ZNF7: variants seen among roughly 807,000 people sequenced by gnomAD.
ZNF7 encodes C2-H2 type zinc finger protein.
In ZNF7, 10 loss-of-function variants were observed where a neutral mutation model predicts 12.0. That is an observed-to-expected ratio of 0.83 (90% confidence interval 0.51 to 1.42). The LOEUF is 1.42. Among genes scored for constraint, ZNF7 ranks in the 40% most tolerant of loss-of-function variants. The pLI, the probability that ZNF7 is intolerant of heterozygous loss-of-function variation, is 0.00. For synonymous variants in ZNF7, 334 were observed against 295.0 expected (o/e 1.13, Z -1.35); for missense variants, 854 against 837.2 (o/e 1.02, Z -0.25).
intron 3 of ZNF7, among the ~76,000 whole-genome samples, chr8:144,830,435 C>T (rs1197292750): frequency 6.6e-6 from 1 of 152,226 alleles, no homozygotes; most frequent in African/African-American, 2.4e-5. Flanking sequence ...CCCTCATTAG[C>T]TTGCCAGGTT....
rs1336338520 is a variant in ZNF7, at chr8:144,840,466, G to T, written c.248-889G>T. 2.6e-5 allele frequency among the ~76,000 whole-genome samples: 4 copies of T among 152,318 alleles called. No homozygotes were observed. In the East Asian group the frequency reaches 7.7e-4, roughly 29 times the overall value. On this transcript the variant is annotated intron_variant, in intron 4 of 4. Transcript: ENST00000532777. ...TAGCTGTGGCTGCGTGGTTGTGGTT[G>T]TGAACGTGATTGTGTCGTGGTGGGG...
Position 144,841,713 on chromosome 8 carries a change from C to T in ZNF7, c.606C>T (p.Gly202=). The T allele has an allele frequency of 6.8e-6, 11 of 1,614,134 alleles. No individual in the cohort carries two copies. The highest frequency in any genetic ancestry group is 9.3e-6 in the Non-Finnish European group (11 of 1,180,024). The change falls in exon 5 of 5, where the codon GGC becomes GGT. Residue 202 remains glycine, a synonymous_variant. Transcript: ENST00000532777. The stretch of plus-strand genomic sequence containing the variant: ...TGTCCCAGAGATGCGAGGAGTGTGG[C>T]AAAGGCATCAGAGCCACTTCAGATA... ...EGMSQRCEEC[G]KGIRATSDIA... is the part of the protein sequence containing the mutation.
intron 1 of ZNF7, 93 bp downstream of exon 1, chr8:144,827,702 C>A: frequency 5.1e-6 from 5 of 980,818 alleles, no homozygotes; most frequent in Non-Finnish European, 6.1e-6. Context: ...GCATTGGGGT[C>A]CCCGCGTCCC....
At chr8:144,846,354 G>T (rs1325714755), downstream of ZNF7, 1 of 628,332 alleles carries the variant, frequency 1.6e-6, no homozygotes, top group Non-Finnish European at 2.7e-6. Context: ...TTTCTGAATG[G>T]TTGGGGAGAA....
chr8:144,829,571 A>G lies in ZNF7; in HGVS notation c.97A>G (p.Met33Val). ...PGQRALYREV[M>V]LENHSSVAGL... ...CCAGAGGGCCCTCTACAGGGAAGTG[A>G]TGCTGGAGAACCACAGCAGTGTGGC... Residue 33 changes from methionine (M) to valine (V), a missense_variant, in exon 3 of 5, where the codon ATG becomes GTG. Coordinates refer to ENST00000532777, the MANE Select transcript of ZNF7 (RefSeq NM_003416.4). 1 of 1,613,574 alleles carries G rather than the reference A, an allele frequency of 6.2e-7. No individual in the cohort carries two copies. The highest frequency in any genetic ancestry group is 8.5e-7 in the Non-Finnish European group (1 of 1,179,586).
At chr8:144,827,747 CGGGGCCTTGAGCGCCT>C (rs1284002886) in intron 1 of ZNF7, 138 bp downstream of exon 1, 2 of 938,324 alleles carry the variant, frequency 2.1e-6, no homozygotes, top group African/African-American at 3.6e-5. Context: ...GGGGGCTTTG[CGGGGCCTTGAGCGCCT>C]GGTGTGGGAG....
chr8:144,834,908 A>G (rs2727235), intron 3 of ZNF7: 1 of 151,470 alleles, frequency 6.6e-6, no homozygotes, highest in South Asian at 2.1e-4. Context: ...GCTTGGCTAA[A>G]TTTTTTTGTA....
At position 144,837,467 on chromosome 8, in the gene ZNF7, G is replaced by A. The variant is rs759139206; in HGVS notation, c.207G>A (p.Gln69=). 2.6e-5 allele frequency: 42 copies of A among 1,612,650 alleles called. No homozygotes were observed. The highest frequency in any genetic ancestry group is 3.5e-5 in the Non-Finnish European group (41 of 1,178,918). The part of the protein sequence containing the change: ...QGEEPWVLDL[Q]GAEGTEAPRT... The stretch of plus-strand genomic sequence containing the variant: ...AAGAGCCATGGGTCCTCGACCTGCA[G>A]GGAGCAGAGGGGACAGAGGCACCAA... The change falls in exon 4 of 5, where the codon CAG becomes CAA. Residue 69 remains glutamine (Q), a synonymous_variant. Coordinates refer to ENST00000532777, the MANE Select transcript of ZNF7 (RefSeq NM_003416.4).
rs760451269 is a variant in ZNF7 at position 144,842,960 on chromosome 8, G to T, written c.1853G>T (p.Gly618Val). The change falls in exon 5 of 5, where the codon GGG (glycine) becomes GTG (valine). Residue 618 changes from glycine to valine, a missense_variant. Transcript: ENST00000532777. ...TACGAATATGGGAATGCCCTGGAAG[G>T]GTCCACCTTTGTGAGCCGTAAAAAG... ...WFYEYGNALE[G>V]STFVSRKKVN... 1 of 1,614,030 alleles carries T rather than the reference G, an allele frequency of 6.2e-7. No individual in the cohort carries two copies. The highest frequency in any genetic ancestry group is 1.7e-5 in the Admixed American group (1 of 59,994).
At chr8:144,830,724 G>C (rs28555169) in intron 3 of ZNF7, among the ~76,000 whole-genome samples, 6,313 of 148,542 alleles carry the variant, frequency 0.042, 440 homozygotes, top group African/African-American at 0.15. Flanking sequence ...ATGCAGTGAG[G>C]GTCCTTTTTT....
intron 3 of ZNF7, chr8:144,836,068 G>A (rs1407820914): frequency 6.6e-6 from 1 of 152,212 alleles, no homozygotes; most frequent in Non-Finnish European, 1.5e-5. Context: ...AAATTTTTCT[G>A]GGTATAGTGG....
rs773600162 is a variant in ZNF7, at chr8:144,843,160, A to T, written c.2053A>T (p.Met685Leu). 6.3e-7 allele frequency: 1 copy of T among 1,586,936 alleles called. No individual in the cohort carries two copies. Residue 685 changes from methionine (M) to leucine (L), a missense_variant, in exon 5 of 5, where the codon ATG becomes TTG. Coordinates refer to ENST00000532777, the MANE Select transcript of ZNF7 (RefSeq NM_003416.4). ...SRLTQHQKIH[M>L]G ...GCTTACCCAGCATCAAAAAATTCAC[A>T]TGGGATAGACCACTTACATATAAAT...
downstream of ZNF7, among the ~76,000 whole-genome samples, chr8:144,844,775 A>G (rs558548165): frequency 2.5e-4 from 37 of 150,450 alleles, no homozygotes; most frequent in Non-Finnish European, 5.3e-4. Context: ...GGAAACAAAT[A>G]TGGGGAGAAG....
downstream of ZNF7, among the ~76,000 whole-genome samples, chr8:144,845,057 T>C (rs1011619015): frequency 6.6e-6 from 1 of 152,122 alleles, no homozygotes; most frequent in Non-Finnish European, 1.5e-5. Context: ...AGAACCCCAA[T>C]TGCCTTACTT....
intron 4 of ZNF7, among the ~76,000 whole-genome samples, chr8:144,840,296 C>CG (rs1563837594): frequency 6.6e-6 from 1 of 152,242 alleles, no homozygotes; most frequent in African/African-American, 2.4e-5. Flanking sequence ...GCTTCCTGCT[C>CG]TGATTCTCCA....
chr8:144,844,733 A>AAAAAAAAC (rs1563850697), downstream of ZNF7, among the ~76,000 whole-genome samples: 2 of 132,432 alleles, frequency 1.5e-5, no homozygotes, highest in African/African-American at 5.9e-5. Flanking sequence ...AAAAAAAAAA[A>AAAAAAAAC]AAACGAAAAT....
intron 3 of ZNF7, among the ~76,000 whole-genome samples, chr8:144,830,241 G>A (rs547341288): frequency 9.9e-5 from 15 of 152,226 alleles, no homozygotes; most frequent in South Asian, 2.1e-4. Context: ...TGGAACTGAC[G>A]CGGGCATCGT....
chr8:144,829,394 A>G, intron 2 of ZNF7, 84 bp from the exon 3 acceptor site: 1 of 1,593,358 alleles, frequency 6.3e-7, no homozygotes, highest in South Asian at 1.1e-5. Flanking sequence ...CCCATGGGGC[A>G]GCTGCCTGAG....
rs1026681178 is a variant in ZNF7, at chr8:144,841,424, G to C, written c.317G>C (p.Gly106Ala). The C allele has an allele frequency of 1.2e-6, 2 of 1,614,148 alleles. No homozygotes were observed. The highest frequency in any genetic ancestry group is 1.1e-5 in the South Asian group (1 of 91,088). The part of the protein sequence containing the change: ...DMDILKSESY[G>A]TVVRISPQDF... ...GACATCCTAAAATCAGAATCCTATG[G>C]GACAGTGGTCAGAATCTCCCCACAG... Residue 106 changes from glycine to alanine, a missense_variant, in exon 5 of 5, where the codon GGG becomes GCG. Gly to Ala is a moderately conservative substitution (Grantham distance 60, BLOSUM62 0). Coordinates refer to ENST00000532777, the MANE Select transcript of ZNF7 (RefSeq NM_003416.4).
Sources: allele counts gnomAD v4.1 joint callset (sites outside exome capture counted in the v4.1 genomes callset), GRCh38; gene constraint gnomAD v4.1.1; transcripts MANE v1.5; gene names NCBI Gene and HGNC (gene_info 2026-07-23, HGNC 2026-07-21).